The following PIGN variants were observed in gnomAD, a reference collection of about 807,000 sequenced individuals.
PIGN encodes the protein GPI ethanolamine phosphate transferase 1.
A neutral mutation model predicts 125.4 loss-of-function variants in PIGN; 117 were observed. The ratio of observed to expected loss-of-function variants is 0.93; its 90% CI spans 0.80 to 1.09. The LOEUF (loss-of-function observed/expected upper bound fraction) is 1.09, where lower values mean the gene tolerates loss of function less well. Ranked by LOEUF, PIGN falls within the 50% of genes least tolerant of loss-of-function variation. PIGN has a pLI of 0.00. For missense variants in PIGN, 1,075 were observed against 1,094.9 expected, an observed-to-expected ratio of 0.98 and a Z score of 0.26; for synonymous variants, 392 against 377.8, an observed-to-expected ratio of 1.04 and a Z score of -0.44.
intron 14 of PIGN, among the ~76,000 whole-genome samples, chr18:62,123,937 A>T (rs1568201223): frequency 6.7e-6 from 1 of 150,012 alleles, no homozygotes; most frequent in East Asian, 2.0e-4. Flanking sequence ...AAAAAAAAAA[A>T]GTGAGACAAA....
chr18:62,129,258 TCA>T (rs2035645399), intron 14 of PIGN, among the ~76,000 whole-genome samples: 1 of 152,186 alleles, frequency 6.6e-6, no homozygotes, highest in Non-Finnish European at 1.5e-5. Context: ...TTTCCCTCTC[TCA>T]GAGAGCTGAG....
intron 11 of PIGN, among the ~76,000 whole-genome samples, chr18:62,142,756 T>C (rs1471611667): frequency 6.6e-6 from 1 of 152,206 alleles, no homozygotes; most frequent in Non-Finnish European, 1.5e-5. Flanking sequence ...ACAATGAAAA[T>C]TCTGTGCTTC....
intron 30 of PIGN, among the ~76,000 whole-genome samples, chr18:62,068,558 T>C (rs910865558): frequency 9.9e-5 from 15 of 152,202 alleles, no homozygotes; most frequent in Admixed American, 2.0e-4. Context: ...CACAGCAATC[T>C]AGCACCAGAT....
At position 62,085,202 on chromosome 18, in the gene PIGN, A is replaced by G. The variant is rs1161377033; in HGVS notation, c.2426+7T>C. On this transcript the variant is annotated splice_region_variant and intron_variant, in intron 26 of 30. Transcript: ENST00000640252. ...TATATATATATGCCACTTTCATTTA[A>G]AATTACCTGTTAATAGAAGCTATAT... is the stretch of plus-strand genomic sequence containing the variant. 4.8e-6 allele frequency: 7 copies of G among 1,472,282 alleles called. No individual in the cohort carries two copies. The highest frequency in any genetic ancestry group is 2.0e-5 in the Admixed American group (1 of 49,664). 91.2% of individuals were successfully genotyped at this position (1,472,282 alleles called of 1,614,324 possible).
chr18:62,135,619 C>CTTTTTTTTTTTTTTTTTT (rs72454339), intron 14 of PIGN: 2 of 68,682 alleles, frequency 2.9e-5, no homozygotes, highest in African/African-American at 6.5e-5. Flanking sequence ...TTTTCTTTGT[C>CTTTTTTTTTTTTTTTTTT]TTTTTTTTTT....
chr18:62,118,143 A>C (rs1337381199), intron 14 of PIGN, among the ~76,000 whole-genome samples: 2 of 152,136 alleles, frequency 1.3e-5, no homozygotes, highest in Admixed American at 1.3e-4. Flanking sequence ...CATGATATAG[A>C]TAGATAGATA....
At chr18:62,098,269 AT>A (rs1445626513) in intron 22 of PIGN, among the ~76,000 whole-genome samples, 3 of 152,162 alleles carry the variant, frequency 2.0e-5, no homozygotes, top group African/African-American at 7.2e-5. Context: ...ATGAAGTTAC[AT>A]TTTTTAATAC....
intron 30 of PIGN, among the ~76,000 whole-genome samples, chr18:62,054,751 CCA>C (rs1905508087): frequency 1.3e-5 from 2 of 152,042 alleles, no homozygotes; most frequent in Admixed American, 6.6e-5. Flanking sequence ...TTTGGCCCTC[CCA>C]CAGTGTTGGG....
intron 14 of PIGN, among the ~76,000 whole-genome samples, chr18:62,120,730 G>A (rs190771723): frequency 2.6e-5 from 4 of 152,052 alleles, no homozygotes; most frequent in East Asian, 3.9e-4. Context: ...GTGGGCAGGG[G>A]AGGGCTGGAA....
At chr18:62,088,675 G>A in intron 25 of PIGN, 81 bp downstream of exon 25, 2 of 767,772 alleles carry the variant, frequency 2.6e-6, no homozygotes, top group South Asian at 3.1e-5. Context: ...ATTAAGTGAT[G>A]GGCAGAAACA....
intron 14 of PIGN, among the ~76,000 whole-genome samples, chr18:62,120,292 T>C (rs191280566): frequency 6.6e-6 from 1 of 152,274 alleles, no homozygotes; most frequent in East Asian, 1.9e-4. Flanking sequence ...TGGAATGACA[T>C]CCTTAAGTTT....
In PIGN at chr18:62,161,082, A is replaced by C. The variant is rs2036934571; in HGVS notation, c.221+51T>G. The C allele has an allele frequency of 3.3e-6, 4 of 1,228,524 alleles. No individual in the cohort carries two copies. The East Asian group carries it at 9.3e-5, about 29-fold the overall frequency. 76.1% of individuals were successfully genotyped at this position (1,228,524 alleles called of 1,614,324 possible). On this transcript the variant is annotated intron_variant, in intron 4 of 30. Coordinates refer to ENST00000640252, the MANE Select transcript of PIGN (RefSeq NM_176787.5). ...TAGTAAGATATTTTGCAGTTTACTT[A>C]ACTCAGAATAACATTTTAAGAGATG...
chr18:62,135,298 T>C (rs1172872958), intron 14 of PIGN, among the ~76,000 whole-genome samples: 1 of 152,130 alleles, frequency 6.6e-6, no homozygotes, highest in Non-Finnish European at 1.5e-5. Flanking sequence ...CCATTTCTCA[T>C]GTTATCTTAG....
intron 23 of PIGN, among the ~76,000 whole-genome samples, chr18:62,092,696 T>C (rs1183179149): frequency 6.6e-6 from 1 of 152,032 alleles, no homozygotes; most frequent in Non-Finnish European, 1.5e-5. Context: ...GAAAGAAATA[T>C]ACCAGAACAT....
At chr18:62,148,177 G>T in intron 8 of PIGN, 37 bp downstream of exon 8, 1 of 1,469,592 alleles carries the variant, frequency 6.8e-7, no homozygotes, top group Non-Finnish European at 9.1e-7. Flanking sequence ...AATAGCTGTT[G>T]CCCTAAAAAA....
chr18:62,152,518 T>C (rs1312316085), intron 7 of PIGN, among the ~76,000 whole-genome samples: 1 of 152,080 alleles, frequency 6.6e-6, no homozygotes, highest in Non-Finnish European at 1.5e-5. Flanking sequence ...GTGCTTAGAA[T>C]TTTATTTTTG....
At chr18:62,130,711 TCTC>T (rs2035702434) in intron 14 of PIGN, among the ~76,000 whole-genome samples, 1 of 152,154 alleles carries the variant, frequency 6.6e-6, no homozygotes, top group African/African-American at 2.4e-5. Flanking sequence ...GAGGACAAGA[TCTC>T]CTAAAATGCT....
chr18:62,028,697 C>T (rs1261464269), intron 23 of PIGN, among the ~76,000 whole-genome samples: 1 of 152,160 alleles, frequency 6.6e-6, no homozygotes, highest in Admixed American at 6.5e-5. Context: ...GGAGTTTTCT[C>T]GAATAAGAGA....
At chr18:62,149,392 G>A (rs564412159) in intron 7 of PIGN, among the ~76,000 whole-genome samples, 3 of 151,934 alleles carry the variant, frequency 2.0e-5, no homozygotes, top group African/African-American at 7.3e-5. Flanking sequence ...CTCTTTAAGA[G>A]AAAAGAATTA....
Sources: gnomAD v4.1 joint callset for allele counts (sites outside exome capture counted in the v4.1 genomes callset) on GRCh38, gnomAD v4.1.1 for gene constraint, MANE v1.5 for transcripts, NCBI Gene and HGNC (gene_info 2026-07-23, HGNC 2026-07-21) for gene names.